MTCL1: variants seen among roughly 807,000 people sequenced by gnomAD.
MTCL1 encodes microtubule cross-linking factor 1.
MTCL1 carries 79 observed loss-of-function variants against 141.4 expected under a neutral mutation model. The ratio of observed to expected loss-of-function variants is 0.56; its 90% CI spans 0.47 to 0.67. The LOEUF (loss-of-function observed/expected upper bound fraction) is 0.67. Among genes scored for constraint, MTCL1 ranks in the 30% least tolerant of loss-of-function variants. The pLI is 0.00. For missense variants in MTCL1, 2,177 were observed against 2,113.9 expected, an observed-to-expected ratio of 1.03 and a Z score of -0.59; for synonymous variants, 914 against 875.8, an observed-to-expected ratio of 1.04 and a Z score of -0.77.
exon 1 of MTCL1, chr18:8,706,452 C>G (rs1383746851): frequency 8.1e-7 from 1 of 1,236,032 alleles, no homozygotes; most frequent in Non-Finnish European, 1.0e-6. Flanking sequence ...CGGGCAGCCC[C>G]GAGCCCCCAG....
intron 10 of MTCL1, among the ~76,000 whole-genome samples, chr18:8,798,623 G>C (rs605490): frequency 0.46 from 70,233 of 152,080 alleles, 17,174 homozygotes; most frequent in Non-Finnish European, 0.54. Flanking sequence ...TCGTTTGGCA[G>C]CATAACGTAC....
At chr18:8,786,113 C>CCCA (rs1555655955) in intron 7 of MTCL1, 22 bp downstream of exon 6, 8 of 1,383,504 alleles carry the variant, frequency 5.8e-6, no homozygotes, top group South Asian at 3.8e-5. Flanking sequence ...CAAGCAATCC[C>CCCA]CCCCCCCCGC....
Position 8,779,373 on chromosome 18 carries a change from A to G in MTCL1, c.417+1481A>G, listed in dbSNP as rs550790000. 2.0e-5 allele frequency among the ~76,000 whole-genome samples: 3 copies of G among 152,308 alleles called. No homozygotes were observed. Among genetic ancestry groups the G allele is most frequent in the South Asian group, 4.1e-4 (2 of 4,828 alleles). ...GGCTATCCAATGATCTCTCGAAACC[A>G]GAAATGATATGCTTCAGTTTAGACT... On this transcript the variant is annotated intron_variant, in intron 5 of 16. Coordinates refer to ENST00000359865, the Ensembl canonical transcript of MTCL1. This position sits in a 1 kb window ranked among gnomAD's most constrained non-coding sequence, Gnocchi z 4.1.
intron 7 of MTCL1, 22 bp downstream of exon 6, chr18:8,786,113 C>CCCCT (rs758467142): frequency 1.4e-6 from 2 of 1,383,504 alleles, no homozygotes; most frequent in Admixed American, 2.6e-5. Context: ...CAAGCAATCC[C>CCCCT]CCCCCCCCGC....
intron 10 of MTCL1, among the ~76,000 whole-genome samples, chr18:8,806,626 AGCT>A (rs1193346502): frequency 6.6e-6 from 1 of 152,130 alleles, no homozygotes; most frequent in Non-Finnish European, 1.5e-5. Flanking sequence ...GTCTGAACAC[AGCT>A]GCCAGGTCAC....
chr18:8,751,833 C>T (rs978637975), intron 4 of MTCL1, among the ~76,000 whole-genome samples: 3 of 152,140 alleles, frequency 2.0e-5, no homozygotes, highest in South Asian at 2.1e-4. Context: ...CCGTGGGATT[C>T]GCTTGTGAAA....
intron 4 of MTCL1, among the ~76,000 whole-genome samples, chr18:8,756,927 G>T (rs1469636495): frequency 1.3e-5 from 2 of 152,190 alleles, no homozygotes; most frequent in African/African-American, 2.4e-5. Flanking sequence ...AGTCCCTGGT[G>T]GATGTGACAC....
At position 8,779,646 on chromosome 18, in the gene MTCL1, C is replaced by T. The variant is rs894865785; in HGVS notation, c.417+1754C>T. Among the ~76,000 whole-genome samples, 2 of 152,170 alleles carry T rather than the reference C, an allele frequency of 1.3e-5. No homozygotes were observed. Among genetic ancestry groups the T allele is most frequent in the East Asian group, 1.9e-4 (1 of 5,168 alleles). On this transcript the variant is annotated intron_variant, in intron 5 of 16. Coordinates refer to ENST00000359865, the Ensembl canonical transcript of MTCL1. This position sits in a 1 kb window ranked among gnomAD's most constrained non-coding sequence, Gnocchi z 4.1. ...CCAGCTGCCTCGACCTCACGGAAGA[C>T]GTCTGACTCCTTCATTTAATATACA...
At chr18:8,716,142 A>G (rs1441890721), upstream of MTCL1, among the ~76,000 whole-genome samples, 1 of 152,258 alleles carries the variant, frequency 6.6e-6, no homozygotes, top group African/African-American at 2.4e-5. Context: ...AGGACATCTT[A>G]TACTTTTAAT....
At chr18:8,769,021 C>T (rs2149040479) in intron 4 of MTCL1, among the ~76,000 whole-genome samples, 1 of 152,284 alleles carries the variant, frequency 6.6e-6, no homozygotes, top group African/African-American at 2.4e-5. Flanking sequence ...TCTCGAGCTC[C>T]TGACCTCAGG....
Position 8,830,449 on chromosome 18 carries a change from C to T in MTCL1, c.*19-1158C>T, listed in dbSNP as rs1218015927. 3.9e-5 allele frequency: 38 copies of T among 985,520 alleles called. No individual in the cohort carries two copies. Among genetic ancestry groups the T allele is most frequent in the Non-Finnish European group, 4.1e-5 (34 of 830,090 alleles). The allele number at this position is 985,520 out of a possible 1,614,324, so 61.0% of individuals were successfully genotyped here. ...AAGCCTGTGGCTCCCACGCTGTCCT[C>T]GGGCCATGCTGTCTCTGCCGTGTTC... On this transcript the variant is annotated intron_variant, in intron 16 of 16. Coordinates refer to ENST00000359865, the Ensembl canonical transcript of MTCL1. This position sits in a 1 kb window ranked among gnomAD's most constrained non-coding sequence, Gnocchi z 6.4.
At chr18:8,729,759 C>T (rs1024459090) in intron 4 of MTCL1, among the ~76,000 whole-genome samples, 6 of 128,116 alleles carry the variant, frequency 4.7e-5, no homozygotes, top group South Asian at 4.8e-4. Flanking sequence ...TCTCTTACTC[C>T]GTAGCTTGTC....
At position 8,825,141 on chromosome 18, in the gene MTCL1, G is replaced by T; in HGVS notation, c.3631G>T (p.Glu1211Ter). The T allele has an allele frequency of 1.3e-6, 2 of 1,586,388 alleles. No homozygotes were observed. The highest frequency in any genetic ancestry group is 1.7e-6 in the Non-Finnish European group (2 of 1,165,138). ...CGACAGCATCACGGCGGCAGGTGGT[G>T]AGGGTCCCTTTCCCACAAGCAGAGC... Residue 1211 changes from glutamate (E) to a stop codon, truncating the protein, a stop_gained, in exon 15 of 17, where the codon GAG becomes TAG. Transcript: ENST00000359865. LOFTEE classifies it high-confidence loss of function.
chr18:8,788,089 C>G (rs1455420907), intron 7 of MTCL1, among the ~76,000 whole-genome samples: 7 of 152,144 alleles, frequency 4.6e-5, no homozygotes, highest in Admixed American at 1.3e-4. Context: ...CCATGAGGCT[C>G]TAATGGAAAC....
rs755811101 is a variant in MTCL1 at position 8,783,579 on chromosome 18, C to T, written c.467C>T (p.Ala156Val). 6.2e-7 allele frequency: 1 copy of T among 1,612,426 alleles called. No individual in the cohort carries two copies. Among genetic ancestry groups the T allele is most frequent in the African/African-American group, 1.3e-5 (1 of 75,008 alleles). ...CAGCTCCAGTTTGCCAAAGAGGAAG[C>T]CTTCCTGATGCGCAAAAAGATGGCC... Residue 156 changes from alanine to valine, a missense_variant, in exon 6 of 17, where the codon GCC becomes GTC. Coordinates refer to ENST00000359865, the Ensembl canonical transcript of MTCL1.
intron 4 of MTCL1, among the ~76,000 whole-genome samples, chr18:8,733,294 T>A (rs943491782): frequency 1.3e-5 from 2 of 152,238 alleles, no homozygotes; most frequent in Non-Finnish European, 2.9e-5. Context: ...ACAAAATCAC[T>A]GCTGAAAAAT....
In MTCL1 at chr18:8,829,803, A is replaced by C; in HGVS notation, c.*18+839A>C. The C allele has an allele frequency of 4.1e-6, 4 of 985,274 alleles. No individual in the cohort carries two copies. In the South Asian group the frequency reaches 1.9e-4, roughly 46 times the overall value. 61.0% of individuals were successfully genotyped at this position (985,274 alleles called of 1,614,324 possible). A position where few individuals can be genotyped will look rare whatever the true frequency, so the allele number is the denominator to read the frequency against. On this transcript the variant is annotated intron_variant, in intron 16 of 16. Coordinates refer to ENST00000359865, the Ensembl canonical transcript of MTCL1. Reference sequence around the variant, plus strand: ...CAGGACACCATGCCATGCAGCGACCACAGTGGCTTCTCGGGAAAGCGCAGC... The same window carrying C: ...CAGGACACCATGCCATGCAGCGACCCCAGTGGCTTCTCGGGAAAGCGCAGC...
chr18:8,763,932 A>G (rs1324991021), intron 4 of MTCL1, among the ~76,000 whole-genome samples: 3 of 151,852 alleles, frequency 2.0e-5, no homozygotes, highest in Admixed American at 6.6e-5. Context: ...AATTTTTCCT[A>G]TGAATTAACA....
chr18:8,777,160 C>CG lies in MTCL1; in HGVS notation c.358-670dup, dbSNP rs546525921. Among the ~76,000 whole-genome samples, 623 of 152,270 alleles carry CG rather than the reference C, an allele frequency of 4.1e-3. 5 individuals carry two copies. Among genetic ancestry groups the CG allele is most frequent in the Middle Eastern group, 0.024 (7 of 294 alleles). On this transcript the variant is annotated intron_variant, in intron 4 of 16. Coordinates refer to ENST00000359865, the Ensembl canonical transcript of MTCL1. ...CTGAGGCAAGAGAATGGCATGAACC[C>CG]GGGAGGTGGAACTTGCAGTGAGCTG...
Sources: allele counts gnomAD v4.1 joint callset (sites outside exome capture counted in the v4.1 genomes callset), GRCh38; gene constraint gnomAD v4.1.1; non-coding constraint Gnocchi (gnomAD v3.1); transcripts MANE v1.5; gene names NCBI Gene and HGNC (gene_info 2026-07-23, HGNC 2026-07-21).